Variants in PCSK6 observed in about 807,000 individuals in gnomAD.
The protein encoded by PCSK6 is proprotein convertase subtilisin/kexin type 6, also known as paired basic amino acid cleaving enzyme 4.
A neutral mutation model predicts 123.3 loss-of-function variants in PCSK6; 85 were observed. The ratio of observed to expected loss-of-function variants is 0.69; its 90% CI spans 0.58 to 0.83. The LOEUF is 0.83. Ranked by LOEUF, PCSK6 falls within the 40% of genes least tolerant of loss-of-function variation. The probability of loss-of-function intolerance (pLI) is 0.00; values close to 1 mark genes in which losing one functional copy is unlikely to be tolerated. For synonymous variants in PCSK6, 508 were observed against 516.0 expected (o/e 0.98, Z 0.21); for missense variants, 1,191 against 1,282.3 (o/e 0.93, Z 1.09).
intron 20 of PCSK6, among the ~76,000 whole-genome samples, chr15:101,310,197 G>T (rs74041988): frequency 0.031 from 4,739 of 152,336 alleles, 205 homozygotes; most frequent in African/African-American, 0.088. Flanking sequence ...TTCCTGGGGG[G>T]TGCTTCTCCA....
chr15:101,383,159 A>G (rs1256085694), intron 10 of PCSK6, among the ~76,000 whole-genome samples: 8 of 152,122 alleles, frequency 5.3e-5, no homozygotes, highest in Admixed American at 5.2e-4. Context: ...CTGTAATCCC[A>G]GCACTTTGGG....
In PCSK6 at chr15:101,489,470, G is replaced by A. The variant is rs1241727408; in HGVS notation, c.201C>T (p.Arg67=). The A allele has an allele frequency of 9.0e-7, 1 of 1,109,832 alleles. No homozygotes were observed. The highest frequency in any genetic ancestry group is 1.1e-6 in the Non-Finnish European group (1 of 909,472). The allele number at this position is 1,109,832 out of a possible 1,614,324, so 68.7% of individuals were successfully genotyped here. A position where few individuals can be genotyped will look rare whatever the true frequency, so the allele number is the denominator to read the frequency against. ...CCGCCCAGTGGTTGGTGTAGACGGGGCGCGGCGGGGGCGCGGAGCAGGCGG... is the reference window on the plus strand; with the variant it reads ...CCGCCCAGTGGTTGGTGTAGACGGGACGCGGCGGGGGCGCGGAGCAGGCGG... The part of the protein sequence containing the change: ...LPAACSAPPP[R]PVYTNHWAVQ... Residue 67 remains arginine, a synonymous_variant, in exon 1 of 22, where the codon CGC becomes CGT. Transcript: ENST00000611716.
At chr15:101,349,191 C>T (rs1459463772) in intron 13 of PCSK6, among the ~76,000 whole-genome samples, 18 of 152,156 alleles carry the variant, frequency 1.2e-4, no homozygotes, top group Non-Finnish European at 1.6e-4. Context: ...CCCCGGGGGC[C>T]TGCAAAAGTC....
intron 6 of PCSK6, among the ~76,000 whole-genome samples, chr15:101,407,193 C>G (rs541964537): frequency 6.6e-6 from 1 of 152,158 alleles, no homozygotes; most frequent in East Asian, 1.9e-4. Flanking sequence ...AGCGGAATGT[C>G]GGCTCTGCAT....
intron 13 of PCSK6, among the ~76,000 whole-genome samples, chr15:101,357,314 C>A (rs1006783541): frequency 5.3e-5 from 8 of 152,182 alleles, no homozygotes; most frequent in African/African-American, 1.9e-4. Context: ...GAAGATCCTG[C>A]CCATTTGAGA....
intron 1 of PCSK6, among the ~76,000 whole-genome samples, chr15:101,488,481 A>G (rs932132194): frequency 1.3e-5 from 2 of 152,120 alleles, no homozygotes; most frequent in Non-Finnish European, 2.9e-5. Context: ...AGAAGAGGGG[A>G]CAGCCGAGGG....
chr15:101,327,796 C>T (rs1190364104), intron 15 of PCSK6, among the ~76,000 whole-genome samples: 1 of 152,152 alleles, frequency 6.6e-6, no homozygotes, highest in Admixed American at 6.5e-5. Flanking sequence ...CGAAGGCTCT[C>T]TGGTGTTATT....
chr15:101,414,909 C>T (rs79040410), intron 6 of PCSK6, among the ~76,000 whole-genome samples: 6,690 of 152,192 alleles, frequency 0.044, 517 homozygotes, highest in African/African-American at 0.15. Flanking sequence ...ATACATGCTG[C>T]TTATAAAACC....
intron 1 of PCSK6, among the ~76,000 whole-genome samples, chr15:101,485,941 C>T (rs1184627431): frequency 6.6e-6 from 1 of 151,156 alleles, no homozygotes; most frequent in East Asian, 1.9e-4. Context: ...CACAACGCAT[C>T]TCTCCATTTA....
At chr15:101,331,439 T>C (rs1167275188) in intron 15 of PCSK6, among the ~76,000 whole-genome samples, 1 of 152,122 alleles carries the variant, frequency 6.6e-6, no homozygotes, top group Non-Finnish European at 1.5e-5. Flanking sequence ...GGAGTAACTG[T>C]GTCCTTCCCA....
intron 15 of PCSK6, among the ~76,000 whole-genome samples, chr15:101,330,150 C>G (rs536398228): frequency 6.6e-6 from 1 of 152,346 alleles, no homozygotes; most frequent in South Asian, 2.1e-4. Flanking sequence ...GCACTGACAT[C>G]TTCCTTGTGC....
At chr15:101,386,370 A>G (rs1246540534) in intron 9 of PCSK6, among the ~76,000 whole-genome samples, 1 of 152,126 alleles carries the variant, frequency 6.6e-6, no homozygotes, top group East Asian at 1.9e-4. Flanking sequence ...CGTACAGAAC[A>G]CAAACTTTCC....
intron 1 of PCSK6, among the ~76,000 whole-genome samples, chr15:101,483,936 G>A (rs1423691781): frequency 6.6e-6 from 1 of 152,244 alleles, no homozygotes; most frequent in African/African-American, 2.4e-5. Flanking sequence ...TGGTCCAGAA[G>A]CACCATGCGG....
At chr15:101,347,874 G>A (rs547386762) in intron 13 of PCSK6, 36 of 919,794 alleles carry the variant, frequency 3.9e-5, no homozygotes, top group Middle Eastern at 2.9e-4. Flanking sequence ...AGGAGGAAGC[G>A]CCCGGGGTTG....
intron 13 of PCSK6, among the ~76,000 whole-genome samples, chr15:101,336,186 C>T (rs1218699009): frequency 6.6e-6 from 1 of 152,224 alleles, no homozygotes; most frequent in African/African-American, 2.4e-5. Context: ...TTTGCCCCTG[C>T]TAGCAAATTA....
chr15:101,314,917 C>A (rs2039953553), intron 19 of PCSK6, among the ~76,000 whole-genome samples: 1 of 152,226 alleles, frequency 6.6e-6, no homozygotes. Flanking sequence ...CGCCCCTCCC[C>A]ATCACTGGTC....
intron 2 of PCSK6, among the ~76,000 whole-genome samples, chr15:101,438,918 G>T (rs879657394): frequency 6.6e-6 from 1 of 152,268 alleles, no homozygotes; most frequent in Non-Finnish European, 1.5e-5. Context: ...AACAGCAGGG[G>T]AAGGTGGGGA....
At chr15:101,363,483 G>A (rs142948012) in intron 13 of PCSK6, among the ~76,000 whole-genome samples, 5 of 152,324 alleles carry the variant, frequency 3.3e-5, no homozygotes, top group African/African-American at 1.2e-4. Context: ...GGATGCAGCT[G>A]GCATGAGGAG....
chr15:101,358,603 G>A (rs1401037241), intron 13 of PCSK6, among the ~76,000 whole-genome samples: 2 of 152,224 alleles, frequency 1.3e-5, no homozygotes, highest in Admixed American at 1.3e-4. Flanking sequence ...TCTGCAAAAT[G>A]CATCGGAGAC....
Sources: gnomAD v4.1 joint callset for allele counts (sites outside exome capture counted in the v4.1 genomes callset) on GRCh38, gnomAD v4.1.1 for gene constraint, MANE v1.5 for transcripts, NCBI Gene and HGNC (gene_info 2026-07-23, HGNC 2026-07-21) for gene names.